The following TOR1AIP1 variants were observed in gnomAD, a reference collection of about 807,000 sequenced individuals.
The protein encoded by TOR1AIP1 is torsin-1A-interacting protein 1.
Under a neutral mutation model 63.3 loss-of-function variants are expected in TOR1AIP1, and 54 were observed. The ratio of observed to expected loss-of-function variants is 0.85; its 90% CI spans 0.69 to 1.07. TOR1AIP1 has a LOEUF of 1.07. Ranked by LOEUF, TOR1AIP1 falls within the 50% of genes least tolerant of loss-of-function variation. The pLI is 0.00. For synonymous variants in TOR1AIP1, 294 were observed against 273.5 expected (o/e 1.07, Z -0.74); for missense variants, 736 against 715.0 (o/e 1.03, Z -0.33).
chr1:179,918,259 A>T lies in TOR1AIP1; in HGVS notation c.*20A>T. ...TTATAAGAAGTGAGAGAGAAGAAAA[A>T]TCATGTCCCAAGTTCTGAGAATTGT... On this transcript the variant is annotated 3_prime_UTR_variant, in exon 10 of 10. Transcript: ENST00000606911. 2 of 1,556,904 alleles carry T rather than the reference A, an allele frequency of 1.3e-6. No individual in the cohort carries two copies. Among genetic ancestry groups the T allele is most frequent in the Non-Finnish European group, 1.7e-6 (2 of 1,162,476 alleles).
intron 6 of TOR1AIP1, chr1:179,904,737 G>A (rs1648577075): frequency 6.6e-6 from 1 of 152,146 alleles, no homozygotes; most frequent in South Asian, 2.1e-4. Context: ...GGATCCTCCT[G>A]CCTCAGTTTC....
chr1:179,886,539 C>G (rs1285355766), intron 2 of TOR1AIP1, among the ~76,000 whole-genome samples: 1 of 152,066 alleles, frequency 6.6e-6, no homozygotes, highest in Non-Finnish European at 1.5e-5. Flanking sequence ...CACTTTGTAC[C>G]CGGTAAAACA....
chr1:179,917,232 G>A (rs1030407152), intron 9 of TOR1AIP1, among the ~76,000 whole-genome samples: 7 of 152,100 alleles, frequency 4.6e-5, no homozygotes, highest in African/African-American at 1.7e-4. Flanking sequence ...ATATTGAAGA[G>A]ACATATGCAT....
chr1:179,883,650 G>A (rs1243438182), intron 1 of TOR1AIP1: 54 of 456,148 alleles, frequency 1.2e-4, no homozygotes, highest in Non-Finnish European at 1.6e-4. Flanking sequence ...CACTTTGGTG[G>A]CCGTCACTGT....
chr1:179,883,514 G>A, intron 1 of TOR1AIP1: 1 of 415,272 alleles, frequency 2.4e-6, no homozygotes, highest in Non-Finnish European at 4.9e-6. Context: ...GAATTGATTT[G>A]AGACCTCACC....
intron 9 of TOR1AIP1, among the ~76,000 whole-genome samples, chr1:179,915,037 T>G (rs1259700493): frequency 6.6e-6 from 1 of 152,236 alleles, no homozygotes; most frequent in Non-Finnish European, 1.5e-5. Context: ...TTCTAATCTC[T>G]TTAATGCCTA....
chr1:179,919,747 A>G lies in TOR1AIP1; in HGVS notation c.*1508A>G, dbSNP rs1649138613. The G allele has an allele frequency of 6.6e-6, 1 of 152,092 alleles. No individual in the cohort carries two copies. The highest frequency in any genetic ancestry group is 2.4e-5 in the African/African-American group (1 of 41,332). 9.4% of individuals were successfully genotyped at this position (152,092 alleles called of 1,614,324 possible). ...TCATTTACCCTTTGAGAGTTCCACA[A>G]GTGGTAGTAGAGTGGTTTAACGTCT... On this transcript the variant is annotated 3_prime_UTR_variant, in exon 10 of 10. Coordinates refer to ENST00000606911, the MANE Select transcript of TOR1AIP1 (RefSeq NM_015602.4).
intron 6 of TOR1AIP1, chr1:179,904,878 G>A (rs1648580007): frequency 6.6e-6 from 1 of 152,132 alleles, no homozygotes; most frequent in South Asian, 2.1e-4. Context: ...TCCCACATCA[G>A]CCTCCCAAAA....
rs963439727 is a variant in TOR1AIP1 at position 179,882,375 on chromosome 1, C to G, written c.-128C>G. 1 of 989,922 alleles carries G rather than the reference C, an allele frequency of 1.0e-6. No individual in the cohort carries two copies. Among genetic ancestry groups the G allele is most frequent in the Non-Finnish European group, 1.4e-6 (1 of 732,980 alleles). The allele number at this position is 989,922 out of a possible 1,614,324, so 61.3% of individuals were successfully genotyped here. A position where few individuals can be genotyped will look rare whatever the true frequency, so the allele number is the denominator to read the frequency against. On this transcript the variant is annotated 5_prime_UTR_variant, in exon 1 of 10. Transcript: ENST00000606911. ...ACGACGCAGGCGGCGGCCCCAGCGA[C>G]TCGCAACTGCCTCCCTGACCACAGC... is the stretch of plus-strand genomic sequence containing the variant.
intron 3 of TOR1AIP1, among the ~76,000 whole-genome samples, chr1:179,891,097 A>G (rs1005100998): frequency 1.3e-5 from 2 of 152,208 alleles, no homozygotes; most frequent in African/African-American, 2.4e-5. Flanking sequence ...AATTATGCCT[A>G]TATTATTGCT....
Position 179,882,748 on chromosome 1 carries a change from A to C in TOR1AIP1, c.246A>C (p.Gly82=), listed in dbSNP as rs1289941681. The C allele has an allele frequency of 6.2e-7, 1 of 1,614,144 alleles. No individual in the cohort carries two copies. Among genetic ancestry groups the C allele is most frequent in the Non-Finnish European group, 8.5e-7 (1 of 1,179,998 alleles). ...TGGCCAAAGAAAGGTCCCCGGTGGGAAAACGAACCCGGCTAGAAGAGTTCC... is the reference window on the plus strand; with the variant it reads ...TGGCCAAAGAAAGGTCCCCGGTGGGCAAACGAACCCGGCTAGAAGAGTTCC... ...PLVAKERSPV[G]KRTRLEEFRS... The change falls in exon 1 of 10, where the codon GGA becomes GGC. Residue 82 remains glycine (G), a synonymous_variant. Coordinates refer to ENST00000606911, the MANE Select transcript of TOR1AIP1 (RefSeq NM_015602.4).
rs759358905 is a variant in TOR1AIP1 at position 179,901,366 on chromosome 1, C to T, written c.717C>T (p.Ser239=). ...GTGTCACTACTGTTAAGGCCAGATC[C>T]AGGGATTCTGATGAATCTGGAGGTA... is the stretch of plus-strand genomic sequence containing the variant. ...HSSVTTVKAR[S]RDSDESGDKT... The change falls in exon 5 of 10, where the codon TCC becomes TCT. Residue 239 remains serine (S), a synonymous_variant. Coordinates refer to ENST00000606911, the MANE Select transcript of TOR1AIP1 (RefSeq NM_015602.4). The T allele has an allele frequency of 1.2e-6, 2 of 1,606,578 alleles. No homozygotes were observed. Among genetic ancestry groups the T allele is most frequent in the Admixed American group, 1.7e-5 (1 of 59,490 alleles).
Position 179,882,817 on chromosome 1 carries a change from C to G in TOR1AIP1, c.315C>G (p.Tyr105Ter). 1 of 1,614,198 alleles carries G rather than the reference C, an allele frequency of 6.2e-7. No homozygotes were observed. The highest frequency in any genetic ancestry group is 8.5e-7 in the Non-Finnish European group (1 of 1,180,040). ...AKEEVRESAY[Y>*]LRSRQRRQPR... is the part of the protein sequence containing the mutation. Reference sequence around the variant, plus strand: ...AGGAAGTGAGAGAAAGCGCGTACTACCTTCGGTCTAGGCAGCGGAGGCAGC... The same window carrying G: ...AGGAAGTGAGAGAAAGCGCGTACTAGCTTCGGTCTAGGCAGCGGAGGCAGC... Residue 105 changes from tyrosine (Y) to a stop codon, truncating the protein, a stop_gained, in exon 1 of 10, where the codon TAC becomes TAG. Coordinates refer to ENST00000606911, the MANE Select transcript of TOR1AIP1 (RefSeq NM_015602.4). LOFTEE classifies it high-confidence loss of function.
At chr1:179,899,992 T>C in intron 3 of TOR1AIP1, 134 bp from the exon 4 acceptor site, 2 of 614,722 alleles carry the variant, frequency 3.3e-6, no homozygotes, top group South Asian at 3.9e-5. Context: ...TGTGTCCTCA[T>C]GTTCATTTTC....
At position 179,917,713 on chromosome 1, in the gene TOR1AIP1, T is replaced by G. The variant is rs1649063848; in HGVS notation, c.1226T>G (p.Ile409Ser). 1.2e-6 allele frequency: 2 copies of G among 1,614,246 alleles called. No individual in the cohort carries two copies. The part of the protein sequence containing the change: ...NSSHPRSQPA[I>S]LLLTAARDAE... ...TCCCATCCTCGGTCTCAGCCTGCTA[T>G]CTTACTGCTCACTGCTGCCCGAGAT... Residue 409 changes from isoleucine to serine, a missense_variant, in exon 10 of 10, where the codon ATC becomes AGC. Physicochemically the swap from Ile to Ser is moderately radical, Grantham distance 142 (BLOSUM62 -2). Transcript: ENST00000606911.
At chr1:179,894,046 G>A (rs1249562431) in intron 3 of TOR1AIP1, among the ~76,000 whole-genome samples, 2 of 148,996 alleles carry the variant, frequency 1.3e-5, no homozygotes, top group East Asian at 2.1e-4. Context: ...GGCGGATCAC[G>A]AGGTCAGGAG....
At chr1:179,914,933 G>A (rs936470332) in intron 9 of TOR1AIP1, among the ~76,000 whole-genome samples, 5 of 152,006 alleles carry the variant, frequency 3.3e-5, no homozygotes, top group Non-Finnish European at 5.9e-5. Context: ...ATATGTACCA[G>A]GAAATTAAAG....
intron 7 of TOR1AIP1, among the ~76,000 whole-genome samples, 167 bp downstream of exon 7, chr1:179,908,031 C>T (rs2148480149): frequency 6.6e-6 from 1 of 151,372 alleles, no homozygotes; most frequent in East Asian, 1.9e-4. Flanking sequence ...GCCTCCGCCT[C>T]CCAAGTAGCT....
chr1:179,883,954 A>G (rs76819986), intron 1 of TOR1AIP1: 4 of 242,228 alleles, frequency 1.7e-5, no homozygotes, highest in East Asian at 2.0e-4. Context: ...GTGGTAGACT[A>G]TTGATAGGCG....
Sources: allele counts gnomAD v4.1 joint callset (sites outside exome capture counted in the v4.1 genomes callset), GRCh38; gene constraint gnomAD v4.1.1; transcripts MANE v1.5; gene names NCBI Gene and HGNC (gene_info 2026-07-23, HGNC 2026-07-21).